The following SLC9A4 variants were observed in gnomAD, a reference collection of about 807,000 sequenced individuals.
SLC9A4 encodes the protein solute carrier family 9 member A4.
In SLC9A4, 63 loss-of-function variants were observed where a neutral mutation model predicts 67.4. The observed-to-expected ratio is 0.93, with a 90% confidence interval of 0.76 to 1.15. The LOEUF is 1.15. Ranked by LOEUF, SLC9A4 falls within the 50% of genes most tolerant of loss-of-function variation. The pLI is 0.00. For synonymous variants in SLC9A4, 393 were observed against 367.2 expected (o/e 1.07, Z -0.80); for missense variants, 1,089 against 987.7 (o/e 1.10, Z -1.38).
At chr2:102,483,509 A>G (rs1684511282) in intron 2 of SLC9A4, among the ~76,000 whole-genome samples, 1 of 152,154 alleles carries the variant, frequency 6.6e-6, no homozygotes, top group Admixed American at 6.5e-5. Context: ...ATCTTCATCC[A>G]CGAAAGAGCT....
chr2:102,527,307 A>G (rs1674686372), intron 11 of SLC9A4, among the ~76,000 whole-genome samples: 1 of 152,160 alleles, frequency 6.6e-6, no homozygotes, highest in South Asian at 2.1e-4. Flanking sequence ...ATGATACATA[A>G]AAGCAAAGTA....
intron 2 of SLC9A4, among the ~76,000 whole-genome samples, chr2:102,498,896 C>A (rs1229872855): frequency 6.6e-6 from 1 of 152,212 alleles, no homozygotes; most frequent in Non-Finnish European, 1.5e-5. Context: ...CTTCATGGAT[C>A]AGACACTCAG....
intron 2 of SLC9A4, among the ~76,000 whole-genome samples, chr2:102,495,797 C>A (rs897900996): frequency 1.1e-4 from 16 of 152,076 alleles, no homozygotes; most frequent in Admixed American, 2.0e-4. Context: ...TACTGAAAAA[C>A]TCTGGTATCC....
At chr2:102,506,545 A>T (rs532968095) in intron 4 of SLC9A4, among the ~76,000 whole-genome samples, 50 of 152,186 alleles carry the variant, frequency 3.3e-4, no homozygotes, top group Non-Finnish European at 6.5e-4. Context: ...CAAGTTTATT[A>T]TCTTAAATCA....
intron 2 of SLC9A4, among the ~76,000 whole-genome samples, chr2:102,495,071 C>A (rs999390822): frequency 3.3e-5 from 5 of 151,876 alleles, no homozygotes. Flanking sequence ...ATAAAAATGG[C>A]CATACATTTG....
intron 6 of SLC9A4, among the ~76,000 whole-genome samples, chr2:102,510,231 G>GGATACA (rs1553413618): frequency 0.015 from 2,020 of 137,058 alleles, 37 homozygotes; most frequent in African/African-American, 0.024. Flanking sequence ...ATACGGATAC[G>GGATACA]GATACAGATA....
At chr2:102,474,491 G>C (rs1019715850) in intron 1 of SLC9A4, among the ~76,000 whole-genome samples, 3 of 152,064 alleles carry the variant, frequency 2.0e-5, no homozygotes, top group African/African-American at 4.8e-5. Context: ...TTGACAGAAA[G>C]CAAAAAACAA....
chr2:102,523,980 C>G (rs1336355396), intron 9 of SLC9A4, among the ~76,000 whole-genome samples: 3 of 152,204 alleles, frequency 2.0e-5, no homozygotes, highest in Admixed American at 1.3e-4. Flanking sequence ...TCTATGACCC[C>G]CGATGATCCC....
intron 11 of SLC9A4, among the ~76,000 whole-genome samples, chr2:102,529,814 T>A (rs918926031): frequency 2.6e-5 from 4 of 152,166 alleles, no homozygotes; most frequent in Non-Finnish European, 1.5e-5. Flanking sequence ...GGACTTTTCT[T>A]GTTCTGGATG....
At chr2:102,520,953 G>C (rs1685394476) in intron 9 of SLC9A4, among the ~76,000 whole-genome samples, 1 of 152,248 alleles carries the variant, frequency 6.6e-6, no homozygotes, top group South Asian at 2.1e-4. Context: ...GAATGTGTCA[G>C]TGAAAGGCTC....
At chr2:102,494,970 A>T (rs952001811) in intron 2 of SLC9A4, among the ~76,000 whole-genome samples, 1 of 152,090 alleles carries the variant, frequency 6.6e-6, no homozygotes, top group African/African-American at 2.4e-5. Context: ...TCTGAATATT[A>T]TCAACCACCT....
In SLC9A4 at chr2:102,490,261, T is replaced by A. The variant is rs1464209437; in HGVS notation, c.720+10959T>A. On this transcript the variant is annotated intron_variant, in intron 2 of 11. Coordinates refer to ENST00000295269, the MANE Select transcript of SLC9A4 (RefSeq NM_001011552.4). The stretch of plus-strand genomic sequence containing the variant: ...GCCCTCTGTATTAGCCCTCTAGGGC[T>A]GTTGTAATAAAATAGCAGAGATTGG... 2.6e-5 allele frequency among the ~76,000 whole-genome samples: 4 copies of A among 152,234 alleles called. No individual in the cohort carries two copies. In the East Asian group the frequency reaches 5.8e-4, roughly 22 times the overall value.
chr2:102,519,309 C>T (rs1685345345), intron 8 of SLC9A4, among the ~76,000 whole-genome samples: 1 of 152,106 alleles, frequency 6.6e-6, no homozygotes, highest in South Asian at 2.1e-4. Context: ...GATACAATTC[C>T]AATATAAATG....
In SLC9A4 at chr2:102,508,160, G is replaced by A; in HGVS notation, c.1280G>A (p.Ser427Asn). Residue 427 changes from serine to asparagine, a missense_variant, in exon 5 of 12, where the codon AGT becomes AAT. Physicochemically the swap from Ser to Asn is conservative, Grantham distance 46 (BLOSUM62 1). Transcript: ENST00000295269. ...SIKDQCIIFYSGVRGAGSFSL... is the reference protein window; with the variant it reads ...SIKDQCIIFYNGVRGAGSFSL... ...AAGGACCAGTGCATCATTTTCTACA[G>A]TGGTGTTCGAGGAGCTGGAAGTTTT... 1.2e-6 allele frequency: 2 copies of A among 1,614,202 alleles called. No individual in the cohort carries two copies. Among genetic ancestry groups the A allele is most frequent in the Non-Finnish European group, 1.7e-6 (2 of 1,180,038 alleles).
In SLC9A4 at chr2:102,473,609, TAAC is replaced by T; in HGVS notation, c.-149_-147del. Reference sequence around the variant, plus strand: ...GAAAGTGTCTACATACAGAGCTCAATAACACACTCGGAATCTTCTTGGGAGGAC... The same window carrying T: ...GAAAGTGTCTACATACAGAGCTCAATACACTCGGAATCTTCTTGGGAGGAC... On this transcript the variant is annotated 5_prime_UTR_variant, in exon 1 of 12. Transcript: ENST00000295269. 5.4e-6 allele frequency: 5 copies of T among 918,074 alleles called. No individual in the cohort carries two copies. Among genetic ancestry groups the T allele is most frequent in the Non-Finnish European group, 8.1e-6 (5 of 620,610 alleles). 56.9% of individuals were successfully genotyped at this position (918,074 alleles called of 1,614,324 possible). A position where few individuals can be genotyped will look rare whatever the true frequency, so the allele number is the denominator to read the frequency against.
intron 9 of SLC9A4, among the ~76,000 whole-genome samples, chr2:102,520,974 G>A (rs548717705): frequency 2.0e-5 from 3 of 152,328 alleles, no homozygotes; most frequent in Admixed American, 6.5e-5. Context: ...TGCACCAGCT[G>A]GAGGAATACA....
At chr2:102,513,775 T>G (rs1287813572) in intron 7 of SLC9A4, among the ~76,000 whole-genome samples, 2 of 152,252 alleles carry the variant, frequency 1.3e-5, no homozygotes, top group Admixed American at 1.3e-4. Context: ...CAATTGGAGC[T>G]GAGCTGGGCT....
chr2:102,497,228 T>C (rs1684828549), intron 2 of SLC9A4, among the ~76,000 whole-genome samples: 1 of 152,214 alleles, frequency 6.6e-6, no homozygotes, highest in South Asian at 2.1e-4. Flanking sequence ...CCACCGTGCC[T>C]GGCCTGACAT....
intron 2 of SLC9A4, among the ~76,000 whole-genome samples, chr2:102,483,120 C>T (rs185388545): frequency 1.5e-4 from 23 of 152,128 alleles, no homozygotes; most frequent in African/African-American, 4.8e-4. Context: ...TTCAAGCTAC[C>T]GGAGTATCTG....
Sources: allele counts gnomAD v4.1 joint callset (sites outside exome capture counted in the v4.1 genomes callset), GRCh38; gene constraint gnomAD v4.1.1; transcripts MANE v1.5; gene names NCBI Gene and HGNC (gene_info 2026-07-23, HGNC 2026-07-21).